ARFGAP3: variants seen among roughly 807,000 people sequenced by gnomAD.
ARFGAP3 encodes ADP-ribosylation factor GTPase-activating protein 3.
A neutral mutation model predicts 75.0 loss-of-function variants in ARFGAP3; 72 were observed. That is an observed-to-expected ratio of 0.96 (90% CI 0.79 to 1.17). The LOEUF is 1.17. Ranked by LOEUF, ARFGAP3 falls within the 50% of genes most tolerant of loss-of-function variation. The pLI is 0.00. For synonymous variants in ARFGAP3, 221 were observed against 217.9 expected (o/e 1.01, Z -0.13); for missense variants, 620 against 626.6 (o/e 0.99, Z 0.11).
chr22:42,845,537 A>C (rs1348556443), intron 2 of ARFGAP3, among the ~76,000 whole-genome samples: 1 of 151,520 alleles, frequency 6.6e-6, no homozygotes, highest in Admixed American at 6.6e-5. Context: ...AAAAAAAAAA[A>C]AAACCCAAAA....
At chr22:42,833,004 AAAGG>A (rs921494001) in intron 5 of ARFGAP3, among the ~76,000 whole-genome samples, 1 of 151,750 alleles carries the variant, frequency 6.6e-6, no homozygotes, top group Non-Finnish European at 1.5e-5. Context: ...AAAAAAAAAG[AAAGG>A]AAGAAAGAAA....
intron 1 of ARFGAP3, among the ~76,000 whole-genome samples, chr22:42,854,053 C>T (rs772947673): frequency 5.3e-5 from 8 of 152,208 alleles, no homozygotes; most frequent in Non-Finnish European, 7.3e-5. Context: ...GGGACTGGAT[C>T]CCATGCAGTC....
chr22:42,834,178 T>A, intron 5 of ARFGAP3, 64 bp downstream of exon 5: 1 of 1,456,768 alleles, frequency 6.9e-7, no homozygotes, highest in Non-Finnish European at 9.5e-7. Flanking sequence ...ACATTTTAAA[T>A]ATGCACCTTT....
At chr22:42,800,263 C>T (rs1202779455) in intron 14 of ARFGAP3, among the ~76,000 whole-genome samples, 1 of 152,232 alleles carries the variant, frequency 6.6e-6, no homozygotes, top group Non-Finnish European at 1.5e-5. Context: ...GACGCAGTGG[C>T]TCACGCCTGT....
In ARFGAP3 at chr22:42,817,170, C is replaced by A; in HGVS notation, c.1036G>T (p.Asp346Tyr). The part of the protein sequence containing the change: ...KPRKKYNDDS[D>Y]DSYFTSSSSY... ...GAGCTGGAAGTAAAATATGAATCGTCACTGTCATCATTATACTTTTTTCTT... is the reference window on the plus strand; with the variant it reads ...GAGCTGGAAGTAAAATATGAATCGTAACTGTCATCATTATACTTTTTTCTT... The change falls in exon 11 of 16, where the codon GAC becomes TAC. Residue 346 changes from aspartate (D) to tyrosine (Y), a missense_variant. By Grantham distance (160) the Asp-to-Tyr change is radical. Coordinates refer to ENST00000263245, the MANE Select transcript of ARFGAP3 (RefSeq NM_014570.5). 4.3e-6 allele frequency: 7 copies of A among 1,613,006 alleles called. No homozygotes were observed. The highest frequency in any genetic ancestry group is 4.2e-6 in the Non-Finnish European group (5 of 1,179,228).
chr22:42,808,730 A>G, intron 13 of ARFGAP3, 37 bp downstream of exon 13: 1 of 1,551,526 alleles, frequency 6.4e-7, no homozygotes, highest in Non-Finnish European at 8.9e-7. Context: ...TCCTTCCTGC[A>G]TTATGGGGCA....
chr22:42,823,412 G>C (rs1437892022), intron 8 of ARFGAP3, among the ~76,000 whole-genome samples: 3 of 151,862 alleles, frequency 2.0e-5, no homozygotes, highest in Admixed American at 6.6e-5. Flanking sequence ...GGGGACCTTT[G>C]TTAATTTTTT....
At chr22:42,839,167 G>T in intron 3 of ARFGAP3, among the ~76,000 whole-genome samples, 1 of 150,970 alleles carries the variant, frequency 6.6e-6, no homozygotes, top group Admixed American at 6.6e-5. Context: ...TTGTAAATGG[G>T]GTTAAGGAAA....
At position 42,808,809 on chromosome 22, in the gene ARFGAP3, G is replaced by A; in HGVS notation, c.1278C>T (p.Ala426=). 6.2e-7 allele frequency: 1 copy of A among 1,613,658 alleles called. No individual in the cohort carries two copies. Among genetic ancestry groups the A allele is most frequent in the Non-Finnish European group, 8.5e-7 (1 of 1,179,750 alleles). Residue 426 remains alanine (A), a synonymous_variant, in exon 13 of 16, where the codon GCC becomes GCT. Transcript: ENST00000263245. ...EAQKKFGNVK[A]ISSDMYFGRQ... ...TTCCAAAATACATATCTGATGAAAT[G>A]GCCTTGACATTGCCAAACTTCTTCT... is the stretch of plus-strand genomic sequence containing the variant.
intron 2 of ARFGAP3, among the ~76,000 whole-genome samples, chr22:42,841,436 G>A (rs1266483186): frequency 2.0e-5 from 3 of 152,150 alleles, no homozygotes; most frequent in African/African-American, 7.2e-5. Flanking sequence ...CTTATCACAA[G>A]GTAGAAGAGA....
intron 9 of ARFGAP3, 54 bp from the exon 10 acceptor site, chr22:42,817,911 T>C: frequency 2.9e-6 from 4 of 1,400,868 alleles, no homozygotes; most frequent in Non-Finnish European, 3.8e-6. Context: ...TGTTCTTATA[T>C]TAAAATAGCA....
intron 14 of ARFGAP3, among the ~76,000 whole-genome samples, chr22:42,801,000 T>C (rs1924829882): frequency 6.6e-6 from 1 of 152,168 alleles, no homozygotes; most frequent in East Asian, 1.9e-4. Context: ...CACCACCTAC[T>C]GGGGAAAGCA....
intron 5 of ARFGAP3, 144 bp downstream of exon 5, chr22:42,834,098 A>C (rs1310524064): frequency 1.3e-6 from 1 of 758,460 alleles, no homozygotes; most frequent in East Asian, 2.7e-5. Flanking sequence ...GGAATTGTTG[A>C]TAATGTCATT....
chr22:42,807,290 G>A (rs1275020759), intron 13 of ARFGAP3, 127 bp from the exon 14 acceptor site: 21 of 1,446,886 alleles, frequency 1.5e-5, no homozygotes, highest in Non-Finnish European at 1.8e-5. Flanking sequence ...AACAGTTACT[G>A]AATGCCACTG....
chr22:42,816,058 G>C (rs528653922), intron 11 of ARFGAP3, among the ~76,000 whole-genome samples: 12 of 152,310 alleles, frequency 7.9e-5, no homozygotes, highest in East Asian at 7.7e-4. Context: ...AGGTTGCAGT[G>C]AGCCGAGATC....
At chr22:42,819,829 C>A (rs911101073) in intron 9 of ARFGAP3, among the ~76,000 whole-genome samples, 1 of 152,192 alleles carries the variant, frequency 6.6e-6, no homozygotes, top group African/African-American at 2.4e-5. Context: ...GGATAAAACA[C>A]CTGTACTTTC....
chr22:42,797,238 A>G lies in ARFGAP3; in HGVS notation c.*350T>C. The G allele has an allele frequency of 3.6e-6, 1 of 280,076 alleles. No homozygotes were observed. Among genetic ancestry groups the G allele is most frequent in the Non-Finnish European group, 6.7e-6 (1 of 148,676 alleles). 17.3% of individuals were successfully genotyped at this position (280,076 alleles called of 1,614,324 possible). ...CCCTGAGCCCATGTGTCACATGGAG[A>G]CCTCTCCTCCTCCCCCACATGAAGC... On this transcript the variant is annotated 3_prime_UTR_variant, in exon 16 of 16. Transcript: ENST00000263245.
intron 5 of ARFGAP3, among the ~76,000 whole-genome samples, chr22:42,833,321 TCTGAA>T (rs1359435196): frequency 7.9e-5 from 12 of 152,222 alleles, no homozygotes; most frequent in Admixed American, 6.5e-4. Flanking sequence ...GTTTCAGAGC[TCTGAA>T]CTGAACTGTG....
At chr22:42,847,241 C>A in intron 2 of ARFGAP3, 1 of 292,662 alleles carries the variant, frequency 3.4e-6, no homozygotes, top group South Asian at 4.6e-5. Context: ...GATCATAGTT[C>A]ACTGCAGCCT....
Sources: allele counts gnomAD v4.1 joint callset (sites outside exome capture counted in the v4.1 genomes callset), GRCh38; gene constraint gnomAD v4.1.1; transcripts MANE v1.5; gene names NCBI Gene and HGNC (gene_info 2026-07-23, HGNC 2026-07-21).